The following KIF26B variants were observed in gnomAD, a reference collection of about 807,000 sequenced individuals.
KIF26B encodes kinesin-like protein KIF26B.
KIF26B carries 63 observed loss-of-function variants against 151.2 expected under a neutral mutation model. That is an observed-to-expected ratio of 0.42 (90% confidence interval 0.34 to 0.51). KIF26B has a LOEUF of 0.51. Ranked by LOEUF, KIF26B falls within the 20% of genes least tolerant of loss-of-function variation. The pLI is 0.07. For missense variants in KIF26B, 2,813 were observed against 2,913.6 expected, an observed-to-expected ratio of 0.97 and a Z score of 0.79; for synonymous variants, 1,357 against 1,262.1, an observed-to-expected ratio of 1.08 and a Z score of -1.59.
At chr1:245,177,994 C>T (rs967558581) in intron 2 of KIF26B, among the ~76,000 whole-genome samples, 38 of 152,052 alleles carry the variant, frequency 2.5e-4, no homozygotes, top group African/African-American at 8.7e-4. Context: ...GTCTGAAGAT[C>T]GAGAATGAGG....
rs149631902 is a variant in KIF26B, at chr1:245,365,966, C to T, written c.466-868C>T. 2.3e-4 allele frequency among the ~76,000 whole-genome samples: 35 copies of T among 152,330 alleles called. 1 individual carries two copies. Among genetic ancestry groups the T allele is most frequent in the African/African-American group, 8.4e-4 (35 of 41,578 alleles). On this transcript the variant is annotated intron_variant, in intron 2 of 14. Transcript: ENST00000407071. ...CAAAGTAAATAAGAGACATTGTTCT[C>T]ACTGAATCCATTAAATGCTTCTGTT... is the stretch of plus-strand genomic sequence containing the variant.
chr1:245,354,394 T>C lies in KIF26B; in HGVS notation c.466-12440T>C, dbSNP rs558924052. ...AGAGGCAGAGATGCCAATGACAGGC[T>C]CTGTGACCAGCCTCGTAAGCCATGA... is the stretch of plus-strand genomic sequence containing the variant. On this transcript the variant is annotated intron_variant, in intron 2 of 14. Transcript: ENST00000407071. 2.6e-5 allele frequency among the ~76,000 whole-genome samples: 4 copies of C among 152,302 alleles called. No homozygotes were observed. In the South Asian group the frequency reaches 8.3e-4, roughly 32 times the overall value.
chr1:245,616,922 C>T (rs1300640228), intron 9 of KIF26B, among the ~76,000 whole-genome samples: 4 of 152,110 alleles, frequency 2.6e-5, no homozygotes, highest in South Asian at 4.2e-4. Context: ...ACAATGACAC[C>T]GGGTCTCTGA....
chr1:245,513,040 G>A lies in KIF26B; in HGVS notation c.1167-27727G>A, dbSNP rs180822872. Among the ~76,000 whole-genome samples, 26 of 152,248 alleles carry A rather than the reference G, an allele frequency of 1.7e-4. No individual in the cohort carries two copies. The East Asian group carries it at 4.4e-3, about 26-fold the overall frequency. ...GTCTTTCATCATGCCCCTGGATTTT[G>A]AGCAAAGGAGAAAGCTTGCTCCAGA... On this transcript the variant is annotated intron_variant, in intron 4 of 14. Coordinates refer to ENST00000407071, the MANE Select transcript of KIF26B (RefSeq NM_018012.4).
At position 245,668,385 on chromosome 1, in the gene KIF26B, CAAAAT is replaced by C. The variant is rs565836316; in HGVS notation, c.2259-15844_2259-15840del. Among the ~76,000 whole-genome samples, 19 of 152,278 alleles carry C rather than the reference CAAAAT, an allele frequency of 1.2e-4. No individual in the cohort carries two copies. The South Asian group carries it at 3.5e-3, about 28-fold the overall frequency. On this transcript the variant is annotated intron_variant, in intron 10 of 14. Transcript: ENST00000407071. ...CAACAATAGCTACCTTCTTTTCAAA[CAAAAT>C]AAACATCACTAAAAAACTCTAATCT...
intron 5 of KIF26B, among the ~76,000 whole-genome samples, chr1:245,588,329 T>G (rs1197255682): frequency 6.6e-6 from 1 of 152,206 alleles, no homozygotes; most frequent in African/African-American, 2.4e-5. Context: ...GAACTTACCA[T>G]TCTGCTTTGA....
chr1:245,699,845 TC>T (rs1441371908), intron 14 of KIF26B, among the ~76,000 whole-genome samples: 4 of 152,200 alleles, frequency 2.6e-5, no homozygotes, highest in African/African-American at 9.7e-5. Context: ...CTTCCAGTCT[TC>T]CCCAGCCAGT....
At chr1:245,607,516 G>A in intron 6 of KIF26B, 135 bp from the exon 7 acceptor site, 3 of 664,666 alleles carry the variant, frequency 4.5e-6, no homozygotes, top group South Asian at 2.2e-5. Context: ...AAAACTTCAC[G>A]ACAGAGGCCA....
chr1:245,581,725 C>G (rs994303661), intron 5 of KIF26B, among the ~76,000 whole-genome samples: 1 of 152,100 alleles, frequency 6.6e-6, no homozygotes, highest in African/African-American at 2.4e-5. Flanking sequence ...TTGTATATCA[C>G]TTTACCTTTC....
At chr1:245,348,620 A>T (rs1672505686) in intron 2 of KIF26B, among the ~76,000 whole-genome samples, 1 of 152,018 alleles carries the variant, frequency 6.6e-6, no homozygotes, top group African/African-American at 2.4e-5. Context: ...CACCCTCATG[A>T]CCTGATCACC....
chr1:245,636,842 T>C (rs2043839254), intron 9 of KIF26B, among the ~76,000 whole-genome samples: 1 of 149,556 alleles, frequency 6.7e-6, no homozygotes, highest in Admixed American at 6.7e-5. Context: ...ATTATTTTTA[T>C]GGCTGAATAA....
intron 4 of KIF26B, among the ~76,000 whole-genome samples, chr1:245,432,156 T>A (rs1438389250): frequency 2.0e-5 from 3 of 152,140 alleles, no homozygotes; most frequent in African/African-American, 7.2e-5. Flanking sequence ...ACATTAGGAA[T>A]ATTTGCTGAA....
chr1:245,305,690 G>T (rs1483337275), intron 2 of KIF26B, among the ~76,000 whole-genome samples: 2 of 152,160 alleles, frequency 1.3e-5, no homozygotes, highest in African/African-American at 4.8e-5. Context: ...TGTAATCCCA[G>T]CACTTTGGGA....
intron 4 of KIF26B, among the ~76,000 whole-genome samples, chr1:245,494,581 C>G (rs1660474856): frequency 6.6e-6 from 1 of 151,956 alleles, no homozygotes; most frequent in African/African-American, 2.4e-5. Context: ...GAAAAATGAT[C>G]AAGCATACCA....
intron 2 of KIF26B, among the ~76,000 whole-genome samples, chr1:245,292,085 C>T (rs74991792): frequency 0.051 from 7,821 of 152,228 alleles, 243 homozygotes; most frequent in Middle Eastern, 0.082. Context: ...CATGTAGAGG[C>T]GTGCAAGGCT....
chr1:245,300,541 T>C (rs1172786663), intron 2 of KIF26B, among the ~76,000 whole-genome samples: 1 of 151,922 alleles, frequency 6.6e-6, no homozygotes, highest in African/African-American at 2.4e-5. Flanking sequence ...TTTCTTTTTT[T>C]TTTTTGAGGC....
rs879933409 is a variant in KIF26B at position 245,601,270 on chromosome 1, C to T, written c.1351-1307C>T. Among the ~76,000 whole-genome samples the T allele has an allele frequency of 3.3e-5, 5 of 152,194 alleles. No homozygotes were observed. The highest frequency in any genetic ancestry group is 1.3e-4 in the Admixed American group (2 of 15,288). On this transcript the variant is annotated intron_variant, in intron 5 of 14. Coordinates refer to ENST00000407071, the MANE Select transcript of KIF26B (RefSeq NM_018012.4). The surrounding 1 kb of genome is among the most constrained non-coding windows in gnomAD (Gnocchi z 4.4). ...GCGGGGACACGGTGCAGGACACCTG[C>T]GGACCCAGTGCCCTTGGGATTCTTT...
In KIF26B at chr1:245,414,716, A is replaced by G. The variant is rs772646908; in HGVS notation, c.1000-4863A>G. On this transcript the variant is annotated intron_variant, in intron 3 of 14. Transcript: ENST00000407071. ...AAGCTTCCGCATTTCCAAGTCACAG[A>G]TAATATTTCTACACACACACAGACA... Among the ~76,000 whole-genome samples the G allele has an allele frequency of 5.6e-4, 86 of 152,314 alleles. 2 individuals are homozygous for G. Among genetic ancestry groups the G allele is most frequent in the Admixed American group, 1.3e-4 (2 of 15,308 alleles).
At chr1:245,655,727 C>T (rs2044065784) in intron 10 of KIF26B, among the ~76,000 whole-genome samples, 1 of 152,194 alleles carries the variant, frequency 6.6e-6, no homozygotes, top group South Asian at 2.1e-4. Flanking sequence ...TTCATACGGC[C>T]TTTAAATGCA....
Sources: gnomAD v4.1 joint callset for allele counts (sites outside exome capture counted in the v4.1 genomes callset) on GRCh38, gnomAD v4.1.1 for gene constraint, Gnocchi (gnomAD v3.1) non-coding constraint, MANE v1.5 for transcripts, NCBI Gene and HGNC (gene_info 2026-07-23, HGNC 2026-07-21) for gene names.